PSG3: variants seen among roughly 807,000 people sequenced by gnomAD.
PSG3 encodes pregnancy-specific beta-1-glycoprotein 3.
PSG3 carries 61 observed loss-of-function variants against 47.5 expected under a neutral mutation model. The observed-to-expected ratio is 1.28, with a 90% confidence interval of 1.05 to 1.59. PSG3 has a LOEUF of 1.59. Among genes scored for constraint, PSG3 ranks in the 40% most tolerant of loss-of-function variants. The pLI, the probability that PSG3 is intolerant of heterozygous loss-of-function variation, is 0.00. For missense variants in PSG3, 756 were observed against 524.0 expected, an observed-to-expected ratio of 1.44 and a Z score of -4.32; for synonymous variants, 263 against 198.4, an observed-to-expected ratio of 1.33 and a Z score of -2.74.
chr19:42,730,371 G>C (rs1969453386), intron 3 of PSG3, among the ~76,000 whole-genome samples: 2 of 152,152 alleles, frequency 1.3e-5, no homozygotes, highest in Non-Finnish European at 1.5e-5. Context: ...CAGTTGACTG[G>C]CTGGCTCACC....
At chr19:42,723,507 A>G (rs1969328621) in intron 6 of PSG3, among the ~76,000 whole-genome samples, 2 of 152,182 alleles carry the variant, frequency 1.3e-5, no homozygotes, top group Non-Finnish European at 2.9e-5. Flanking sequence ...GAGATTCTTG[A>G]TTAAGTGAAT....
intron 2 of PSG3, among the ~76,000 whole-genome samples, chr19:42,737,617 C>G (rs1319983482): frequency 6.6e-6 from 1 of 152,190 alleles, no homozygotes; most frequent in Non-Finnish European, 1.5e-5. Flanking sequence ...TTTGCTCTCA[C>G]TCCTCTGAGG....
Position 42,726,288 on chromosome 19 carries a change from A to C in PSG3, c.1244-2263T>G, listed in dbSNP as rs1157551408. Among the ~76,000 whole-genome samples, 5 of 152,144 alleles carry C rather than the reference A, an allele frequency of 3.3e-5. No homozygotes were observed. In the East Asian group the frequency reaches 7.7e-4, roughly 23 times the overall value. The stretch of plus-strand genomic sequence containing the variant: ...TATTCAACATAGTATTGAAAGGTCT[A>C]GTCAGAAAAATTAGGCAAGAATTTA... On this transcript the variant is annotated intron_variant, in intron 5 of 6. Coordinates refer to ENST00000327495, the MANE Select transcript of PSG3 (RefSeq NM_021016.4).
intron 2 of PSG3, among the ~76,000 whole-genome samples, chr19:42,737,900 C>A (rs1392685945): frequency 1.3e-5 from 2 of 152,210 alleles, no homozygotes; most frequent in African/African-American, 2.4e-5. Flanking sequence ...TTCACAGTCA[C>A]GTGACCTAAT....
chr19:42,724,723 G>A (rs1055816205), intron 5 of PSG3, among the ~76,000 whole-genome samples: 1 of 152,008 alleles, frequency 6.6e-6, no homozygotes, highest in Non-Finnish European at 1.5e-5. Context: ...TCCCTGATAA[G>A]TTATCTTGTA....
chr19:42,734,046 C>T (rs1385912194), intron 2 of PSG3: 3 of 152,116 alleles, frequency 2.0e-5, no homozygotes. Context: ...ACTCTATGTA[C>T]CTGATATCAG....
intron 3 of PSG3, among the ~76,000 whole-genome samples, chr19:42,731,594 G>T (rs1969474332): frequency 6.6e-6 from 1 of 151,902 alleles, no homozygotes; most frequent in African/African-American, 2.4e-5. Flanking sequence ...CAGTGTATCT[G>T]TTGTGGCAGT....
chr19:42,736,464 C>A (rs544271606), intron 2 of PSG3, among the ~76,000 whole-genome samples: 1 of 152,170 alleles, frequency 6.6e-6, no homozygotes, highest in Admixed American at 6.5e-5. Context: ...ATTTTTTAGT[C>A]CTGTGCCCCT....
chr19:42,737,885 A>T (rs1174085187), intron 2 of PSG3, among the ~76,000 whole-genome samples: 1 of 152,186 alleles, frequency 6.6e-6, no homozygotes, highest in Non-Finnish European at 1.5e-5. Flanking sequence ...ATAAATGTTA[A>T]ATGATTCACA....
chr19:42,738,348 T>C (rs1969601412), intron 2 of PSG3, among the ~76,000 whole-genome samples: 1 of 152,176 alleles, frequency 6.6e-6, no homozygotes, highest in Non-Finnish European at 1.5e-5. Flanking sequence ...GGGTGAGGCT[T>C]CTAGGGCTGA....
chr19:42,722,994 T>C lies in PSG3; in HGVS notation c.*41-904A>G, dbSNP rs375430230. 7.9e-5 allele frequency among the ~76,000 whole-genome samples: 12 copies of C among 152,340 alleles called. 1 individual carries two copies. The highest frequency in any genetic ancestry group is 2.9e-4 in the African/African-American group (12 of 41,572). ...TTTTCCAGTGATTCCAATGTGTAGC[T>C]CTATTTCCCATCAGATTTCTCTGAT... is the stretch of plus-strand genomic sequence containing the variant. On this transcript the variant is annotated intron_variant, in intron 6 of 6. Transcript: ENST00000327495.
intron 5 of PSG3, 86 bp downstream of exon 5, chr19:42,729,037 A>G: frequency 6.2e-7 from 1 of 1,607,792 alleles, no homozygotes; most frequent in Non-Finnish European, 8.5e-7. Flanking sequence ...ACAGGCTGGG[A>G]ATAAAAATGT....
intron 5 of PSG3, among the ~76,000 whole-genome samples, chr19:42,725,011 C>T (rs1020006194): frequency 3.3e-5 from 5 of 152,002 alleles, no homozygotes; most frequent in African/African-American, 7.3e-5. Flanking sequence ...TCCATTTTGC[C>T]GATGAAAAGA....
Position 42,732,517 on chromosome 19 carries a change from C to G in PSG3, c.709+267G>C. 3 of 798,276 alleles carry G rather than the reference C, an allele frequency of 3.8e-6. No homozygotes were observed. The South Asian group carries it at 5.7e-5, about 15-fold the overall frequency. 49.4% of individuals were successfully genotyped at this position (798,276 alleles called of 1,614,324 possible). ...CCCAGCCAAATCCCTGCTGTGTTCACTGATCTGGAGCCTGAGACAGTCACC... is the reference window on the plus strand; with the variant it reads ...CCCAGCCAAATCCCTGCTGTGTTCAGTGATCTGGAGCCTGAGACAGTCACC... On this transcript the variant is annotated intron_variant, in intron 3 of 6. Coordinates refer to ENST00000327495, the MANE Select transcript of PSG3 (RefSeq NM_021016.4).
Position 42,732,969 on chromosome 19 carries a change from T to C in PSG3, c.524A>G (p.Asp175Gly). The part of the protein sequence containing the change: ...VSLTCDPETP[D>G]ASYLWWMNGQ... ...ATTCATCCACCACAGGTAGCTTGCGTCCGGAGTCTCAGGATCACAGGTTAA... is the reference window on the plus strand; with the variant it reads ...ATTCATCCACCACAGGTAGCTTGCGCCCGGAGTCTCAGGATCACAGGTTAA... The change falls in exon 3 of 7, where the codon GAC (aspartate) becomes GGC (glycine). Residue 175 changes from aspartate (D) to glycine (G), a missense_variant. By Grantham distance (94) the Asp-to-Gly change is moderately conservative. Coordinates refer to ENST00000327495, the MANE Select transcript of PSG3 (RefSeq NM_021016.4). 6.2e-7 allele frequency: 1 copy of C among 1,614,152 alleles called. No homozygotes were observed.
At chr19:42,726,808 C>T (rs568706904) in intron 5 of PSG3, among the ~76,000 whole-genome samples, 114 of 152,284 alleles carry the variant, frequency 7.5e-4, no homozygotes, top group African/African-American at 2.6e-3. Flanking sequence ...TATTGCATCT[C>T]ATGACTCTAA....
intron 2 of PSG3, among the ~76,000 whole-genome samples, chr19:42,735,595 T>C (rs1240580938): frequency 6.6e-6 from 1 of 152,208 alleles, no homozygotes; most frequent in African/African-American, 2.4e-5. Flanking sequence ...CTCCATCTCC[T>C]GACCTTGTGC....
chr19:42,725,719 C>A (rs1388152104), intron 5 of PSG3, among the ~76,000 whole-genome samples: 1 of 151,756 alleles, frequency 6.6e-6, no homozygotes, highest in African/African-American at 2.4e-5. Context: ...AGCCAATTAG[C>A]TGCGCATGGT....
At position 42,726,548 on chromosome 19, in the gene PSG3, A is replaced by G. The variant is rs146465917; in HGVS notation, c.1244-2523T>C. On this transcript the variant is annotated intron_variant, in intron 5 of 6. Coordinates refer to ENST00000327495, the MANE Select transcript of PSG3 (RefSeq NM_021016.4). Reference sequence around the variant, plus strand: ...AAAATTTCAATTTATATTAACATCAAAAAGAATAAAATATTTAGGAATGAG... The same window carrying G: ...AAAATTTCAATTTATATTAACATCAGAAAGAATAAAATATTTAGGAATGAG... Among the ~76,000 whole-genome samples, 255 of 152,354 alleles carry G rather than the reference A, an allele frequency of 1.7e-3. 3 individuals carry two copies. The highest frequency in any genetic ancestry group is 5.6e-3 in the African/African-American group (234 of 41,588).
Sources: gnomAD v4.1 joint callset for allele counts (sites outside exome capture counted in the v4.1 genomes callset) on GRCh38, gnomAD v4.1.1 for gene constraint, MANE v1.5 for transcripts, NCBI Gene and HGNC (gene_info 2026-07-23, HGNC 2026-07-21) for gene names.